The following TECTB variants were observed in gnomAD, a reference collection of about 807,000 sequenced individuals.
TECTB encodes tectorin beta.
In TECTB, 45 loss-of-function variants were observed where a neutral mutation model predicts 43.3. The observed-to-expected ratio is 1.04, with a 90% confidence interval of 0.82 to 1.33. The LOEUF (loss-of-function observed/expected upper bound fraction) is 1.33. TECTB is among the 40% of genes most tolerant of loss of function. The pLI is 0.00. For synonymous variants in TECTB, 169 were observed against 156.7 expected (o/e 1.08, Z -0.59); for missense variants, 399 against 404.7 (o/e 0.99, Z 0.12).
At chr10:112,300,517 G>A (rs1046836070) in intron 9 of TECTB, among the ~76,000 whole-genome samples, 1 of 152,296 alleles carries the variant, frequency 6.6e-6, no homozygotes, top group Admixed American at 6.5e-5. Flanking sequence ...CTAGCAAGGA[G>A]AGAGATGTTA....
chr10:112,286,812 C>T (rs1245869013), intron 5 of TECTB, among the ~76,000 whole-genome samples: 1 of 152,166 alleles, frequency 6.6e-6, no homozygotes, highest in African/African-American at 2.4e-5. Flanking sequence ...GTCCCAGCTA[C>T]TTGGGAGGCT....
chr10:112,287,587 C>T (rs1848465112), intron 5 of TECTB, among the ~76,000 whole-genome samples: 1 of 152,206 alleles, frequency 6.6e-6, no homozygotes, highest in South Asian at 2.1e-4. Context: ...GCTTGCTTAA[C>T]CTGCTGCCTG....
In TECTB at chr10:112,304,508, G is replaced by C. The variant is rs1157805838; in HGVS notation, c.*1196G>C. 6.6e-6 allele frequency: 1 copy of C among 152,202 alleles called. No individual in the cohort carries two copies. The highest frequency in any genetic ancestry group is 2.4e-5 in the African/African-American group (1 of 41,444). The allele number at this position is 152,202 out of a possible 1,614,324, so 9.4% of individuals were successfully genotyped here. On this transcript the variant is annotated 3_prime_UTR_variant, in exon 11 of 11. Coordinates refer to ENST00000646139, the MANE Select transcript of TECTB (RefSeq NM_058222.3). ...AATGAACCAATTCTGGTAGAGAATT[G>C]GCTGGATTGTGATAGGAAAAGGCAG...
At position 112,294,899 on chromosome 10, in the gene TECTB, T is replaced by C. The variant is rs544210111; in HGVS notation, c.671+838T>C. ...AAATCTGGGGAGTAATGGAAAAAGA[T>C]GGCTTTGTGTTCTTAAATCTGTGGA... On this transcript the variant is annotated intron_variant, in intron 7 of 10. Transcript: ENST00000646139. Among the ~76,000 whole-genome samples, 129 of 152,352 alleles carry C rather than the reference T, an allele frequency of 8.5e-4. 1 individual carries two copies. Among genetic ancestry groups the C allele is most frequent in the Admixed American group, 1.9e-3 (29 of 15,306 alleles).
At chr10:112,301,978 TG>T in intron 9 of TECTB, 122 bp from the exon 10 acceptor site, 1 of 1,176,494 alleles carries the variant, frequency 8.5e-7, no homozygotes, top group Non-Finnish European at 1.2e-6. Flanking sequence ...CCCAAAGTGC[TG>T]GGATTACAAG....
chr10:112,295,710 T>C lies in TECTB; in HGVS notation c.671+1649T>C, dbSNP rs114651514. ...CGTATTGACCTGCAGGGACCAGAAA[T>C]TGCTATCAGGCACTGGGAACCTCTC... On this transcript the variant is annotated intron_variant, in intron 7 of 10. Transcript: ENST00000646139. Among the ~76,000 whole-genome samples, 986 of 152,304 alleles carry C rather than the reference T, an allele frequency of 6.5e-3. 15 individuals carry two copies. Among genetic ancestry groups the C allele is most frequent in the African/African-American group, 0.022 (935 of 41,564 alleles).
chr10:112,298,275 C>T (rs977986180), intron 8 of TECTB, 44 bp downstream of exon 8: 17 of 1,581,700 alleles, frequency 1.1e-5, no homozygotes, highest in Admixed American at 5.5e-5. Flanking sequence ...CTAAAGGGTG[C>T]CAGTATTGGA....
rs726009 is a variant in TECTB, at chr10:112,293,788, C to G, written c.534C>G (p.Ser178=). 0.48 allele frequency: 780,517 copies of G among 1,613,384 alleles called. 193,549 individuals are homozygous for G. The highest frequency in any genetic ancestry group is 0.75 in the East Asian group (33,426 of 44,852). ...KKEAPFVLEA[S]EIGSDLFAGV... ...AAGCTCCCTTTGTCCTGGAGGCATC[C>G]GAAATCGGTTCAGATCTGTTTGCAG... Residue 178 remains serine (S), a synonymous_variant, in exon 6 of 11, where the codon TCC becomes TCG. Transcript: ENST00000646139.
At chr10:112,293,502 C>T (rs1256426693) in intron 5 of TECTB, among the ~76,000 whole-genome samples, 1 of 152,172 alleles carries the variant, frequency 6.6e-6, no homozygotes, top group Non-Finnish European at 1.5e-5. Context: ...GTGTGTGTCT[C>T]ACTATAATGA....
chr10:112,298,137 A>G lies in TECTB; in HGVS notation c.740A>G (p.Asn247Ser), dbSNP rs1848565018. 1 of 1,614,186 alleles carries G rather than the reference A, an allele frequency of 6.2e-7. No homozygotes were observed. The highest frequency in any genetic ancestry group is 2.2e-5 in the East Asian group (1 of 44,880). The change falls in exon 8 of 11, where the codon AAT becomes AGT. Residue 247 changes from asparagine (N) to serine (S), a missense_variant. Coordinates refer to ENST00000646139, the MANE Select transcript of TECTB (RefSeq NM_058222.3). ...GRDHRATFQFNAFRFQNIPKL... is the reference protein window; with the variant it reads ...GRDHRATFQFSAFRFQNIPKL... Reference sequence around the variant, plus strand: ...GATCACAGGGCAACCTTCCAATTCAATGCTTTCCGGTTCCAGAACATCCCC... The same window carrying G: ...GATCACAGGGCAACCTTCCAATTCAGTGCTTTCCGGTTCCAGAACATCCCC...
rs541183324 is a variant in TECTB, at chr10:112,301,953, C to T, written c.908-148C>T. On this transcript the variant is annotated intron_variant, in intron 9 of 10. Transcript: ENST00000646139. Reference sequence around the variant, plus strand: ...TTCGAGCTCCCAACCTCAAGTGACCCGCCCACCTGGGCCTCCCAAAGTGCT... The same window carrying T: ...TTCGAGCTCCCAACCTCAAGTGACCTGCCCACCTGGGCCTCCCAAAGTGCT... The T allele has an allele frequency of 1.5e-4, 122 of 818,656 alleles. No homozygotes were observed. The African/African-American group carries it at 1.8e-3, about 12-fold the overall frequency. 50.7% of individuals were successfully genotyped at this position (818,656 alleles called of 1,614,324 possible). A position where few individuals can be genotyped will look rare whatever the true frequency, so the allele number is the denominator to read the frequency against.
intron 10 of TECTB, chr10:112,302,414 T>C: frequency 2.3e-6 from 1 of 429,512 alleles, no homozygotes; most frequent in Non-Finnish European, 4.1e-6. Flanking sequence ...ATGGCTTCCC[T>C]TGGATTCCAA....
At chr10:112,284,147 C>G (rs905972889) in intron 2 of TECTB, among the ~76,000 whole-genome samples, 18 of 152,062 alleles carry the variant, frequency 1.2e-4, no homozygotes, top group Non-Finnish European at 2.2e-4. Flanking sequence ...TGCCCTAAAT[C>G]AGTATTTCAC....
intron 5 of TECTB, among the ~76,000 whole-genome samples, chr10:112,289,537 T>C (rs1204987024): frequency 6.6e-6 from 1 of 152,232 alleles, no homozygotes; most frequent in Non-Finnish European, 1.5e-5. Flanking sequence ...AGCTCTGATA[T>C]CTGACACCCT....
intron 8 of TECTB, among the ~76,000 whole-genome samples, chr10:112,299,242 A>C (rs970920428): frequency 2.6e-5 from 4 of 152,222 alleles, no homozygotes; most frequent in African/African-American, 9.6e-5. Context: ...CCTCTTCCAG[A>C]AGGATTCCCT....
At chr10:112,302,156 G>A in intron 10 of TECTB, 23 bp downstream of exon 10, 3 of 1,613,610 alleles carry the variant, frequency 1.9e-6, no homozygotes, top group Non-Finnish European at 2.5e-6. Flanking sequence ...GACACTTCTG[G>A]GATTTCGTGG....
chr10:112,302,305 AC>A, intron 10 of TECTB, 172 bp downstream of exon 10: 1 of 673,434 alleles, frequency 1.5e-6, no homozygotes, highest in Non-Finnish European at 2.4e-6. Context: ...TCTCCCTCTG[AC>A]CAGCCCCTGA....
intron 3 of TECTB, among the ~76,000 whole-genome samples, chr10:112,285,274 C>A (rs1848444434): frequency 6.6e-6 from 1 of 152,202 alleles, no homozygotes; most frequent in Non-Finnish European, 1.5e-5. Context: ...GTCACTCATT[C>A]AGGGCCACAG....
chr10:112,290,548 T>C (rs908957889), intron 5 of TECTB, among the ~76,000 whole-genome samples: 4 of 152,184 alleles, frequency 2.6e-5, no homozygotes, highest in African/African-American at 9.7e-5. Flanking sequence ...GAGGTATTAT[T>C]CCAATATTCT....
Sources: allele counts gnomAD v4.1 joint callset (sites outside exome capture counted in the v4.1 genomes callset), GRCh38; gene constraint gnomAD v4.1.1; transcripts MANE v1.5; gene names NCBI Gene and HGNC (gene_info 2026-07-23, HGNC 2026-07-21).